The following SAMD5 variants were observed in gnomAD, a reference collection of about 807,000 sequenced individuals.
SAMD5 encodes sterile alpha motif domain-containing protein 5.
SAMD5 carries 13 observed loss-of-function variants against 11.3 expected under a neutral mutation model. That is an observed-to-expected ratio of 1.15 (90% CI 0.75 to 1.83). The LOEUF (loss-of-function observed/expected upper bound fraction) is 1.83, where lower values mean the gene tolerates loss of function less well. Ranked by LOEUF, SAMD5 falls within the 40% of genes most tolerant of loss-of-function variation. SAMD5 has a pLI of 0.00. For synonymous variants in SAMD5, 129 were observed against 111.3 expected, an observed-to-expected ratio of 1.16 and a Z score of -1.00; for missense variants, 255 against 239.1, an observed-to-expected ratio of 1.07 and a Z score of -0.44.
At chr6:147,629,900 G>A (rs1790121123) in intron 1 of SAMD5, among the ~76,000 whole-genome samples, 4 of 151,138 alleles carry the variant, frequency 2.6e-5, no homozygotes, top group Admixed American at 2.6e-4. Flanking sequence ...GTCTAACACT[G>A]ACCCATTAAA....
At chr6:147,556,047 T>C (rs1365644844) in intron 1 of SAMD5, among the ~76,000 whole-genome samples, 1 of 152,174 alleles carries the variant, frequency 6.6e-6, no homozygotes, top group Non-Finnish European at 1.5e-5. Context: ...TGTTTATTTT[T>C]CACAAAAATA....
At chr6:147,909,620 CTT>C in the SAMD5 span, among the ~76,000 whole-genome samples, 8 of 67,346 alleles carry the variant, frequency 1.2e-4, no homozygotes, top group African/African-American at 6.3e-4. Flanking sequence ...TTCTTTCTTT[CTT>C]TCTTTCTTTC....
the SAMD5 span, among the ~76,000 whole-genome samples, chr6:147,893,630 C>A: frequency 6.6e-6 from 1 of 152,108 alleles, no homozygotes. Flanking sequence ...TAGTTCTAAG[C>A]AGCACAGGAT....
At chr6:147,542,475 T>G (rs1366487507) in intron 1 of SAMD5, among the ~76,000 whole-genome samples, 1 of 152,280 alleles carries the variant, frequency 6.6e-6, no homozygotes, top group East Asian at 1.9e-4. Context: ...CTCCAATCAG[T>G]CTCCCTGAGC....
At chr6:147,560,118 G>A (rs1788925024) in intron 1 of SAMD5, among the ~76,000 whole-genome samples, 1 of 152,216 alleles carries the variant, frequency 6.6e-6, no homozygotes, top group South Asian at 2.1e-4. Context: ...GTCAGCAGTA[G>A]TAGTGGCTGA....
the SAMD5 span, among the ~76,000 whole-genome samples, chr6:147,904,339 T>C: frequency 5.3e-5 from 8 of 152,154 alleles, 1 homozygote; most frequent in Non-Finnish European, 7.4e-5. Flanking sequence ...CCTCTTCCCA[T>C]GGACTCTAGC....
At chr6:147,520,709 A>T (rs552257358) in intron 1 of SAMD5, among the ~76,000 whole-genome samples, 1 of 152,308 alleles carries the variant, frequency 6.6e-6, no homozygotes, top group Admixed American at 6.5e-5. Flanking sequence ...CTGTCATTTG[A>T]AAAATGATTT....
intron 1 of SAMD5, among the ~76,000 whole-genome samples, chr6:147,695,647 G>A (rs961146567): frequency 6.6e-6 from 1 of 152,062 alleles, no homozygotes; most frequent in Non-Finnish European, 1.5e-5. Context: ...AGTCTTCTAT[G>A]TGCCAGATAC....
intron 1 of SAMD5, among the ~76,000 whole-genome samples, chr6:147,659,754 A>T (rs1263969457): frequency 6.6e-6 from 1 of 152,154 alleles, no homozygotes; most frequent in Non-Finnish European, 1.5e-5. Flanking sequence ...TATATAGGGT[A>T]TATATTTATA....
Position 147,695,119 on chromosome 6 carries a change from G to A in SAMD5, c.163-42198G>A, listed in dbSNP as rs568174025. The stretch of plus-strand genomic sequence containing the variant: ...CAGGTTACTCCATGAAAGTCACAGC[G>A]TATCTGTCCCGTGAAACAAATATGT... On this transcript the variant is annotated intron_variant, in intron 1 of 1. Coordinates refer to the SAMD5 transcript ENST00000566741. 1.8e-4 allele frequency among the ~76,000 whole-genome samples: 27 copies of A among 152,238 alleles called. No individual in the cohort carries two copies. The South Asian group carries it at 4.4e-3, about 25-fold the overall frequency.
the SAMD5 span, among the ~76,000 whole-genome samples, chr6:147,918,204 G>A: frequency 6.6e-6 from 1 of 152,172 alleles, no homozygotes; most frequent in Non-Finnish European, 1.5e-5. Flanking sequence ...AGCATGGAAT[G>A]TTCTTCCATT....
At chr6:147,791,098 C>T in the SAMD5 span, among the ~76,000 whole-genome samples, 1 of 151,834 alleles carries the variant, frequency 6.6e-6, no homozygotes, top group African/African-American at 2.4e-5. Flanking sequence ...AGTTCGAGAC[C>T]AGCCTGGCCA....
At chr6:147,871,762 T>C in the SAMD5 span, among the ~76,000 whole-genome samples, 219 of 152,304 alleles carry the variant, frequency 1.4e-3, no homozygotes, top group Non-Finnish European at 2.9e-3. Flanking sequence ...AAAGGCATGT[T>C]TGATTACACC....
the SAMD5 span, among the ~76,000 whole-genome samples, chr6:147,933,259 T>A: frequency 6.6e-6 from 1 of 152,194 alleles, no homozygotes; most frequent in African/African-American, 2.4e-5. Context: ...ACAAAAGCAG[T>A]GACCTGCCAG....
At chr6:147,912,116 A>T in the SAMD5 span, among the ~76,000 whole-genome samples, 2 of 151,956 alleles carry the variant, frequency 1.3e-5, no homozygotes, top group Non-Finnish European at 2.9e-5. Flanking sequence ...AGGGTGGGGG[A>T]AAAGATTCTA....
At chr6:147,604,959 C>T (rs1018397226) in intron 1 of SAMD5, among the ~76,000 whole-genome samples, 1 of 152,042 alleles carries the variant, frequency 6.6e-6, no homozygotes, top group Non-Finnish European at 1.5e-5. Flanking sequence ...TAAGTGTGGC[C>T]ATTGATTTAT....
At chr6:147,812,285 G>A in the SAMD5 span, among the ~76,000 whole-genome samples, 1 of 152,148 alleles carries the variant, frequency 6.6e-6, no homozygotes, top group Non-Finnish European at 1.5e-5. Context: ...TGTTTATATG[G>A]AAGAGGCTCG....
At chr6:147,910,864 G>A in the SAMD5 span, among the ~76,000 whole-genome samples, 2 of 152,254 alleles carry the variant, frequency 1.3e-5, no homozygotes, top group East Asian at 1.9e-4. Context: ...TTCAGTGATC[G>A]GGATCCTCAA....
At chr6:147,528,929 C>A (rs1788386333) in intron 1 of SAMD5, among the ~76,000 whole-genome samples, 1 of 152,218 alleles carries the variant, frequency 6.6e-6, no homozygotes, top group Admixed American at 6.5e-5. Flanking sequence ...CTCAGACTCC[C>A]AATTCACATG....
Sources: gnomAD v4.1 joint callset for allele counts (sites outside exome capture counted in the v4.1 genomes callset) on GRCh38, gnomAD v4.1.1 for gene constraint, MANE v1.5 for transcripts, NCBI Gene and HGNC (gene_info 2026-07-23, HGNC 2026-07-21) for gene names.